The following CCDC30 variants were observed in gnomAD, a reference collection of about 807,000 sequenced individuals.
The protein encoded by CCDC30 is coiled-coil domain containing 30.
In CCDC30, 70 loss-of-function variants were observed where a neutral mutation model predicts 100.2. The observed-to-expected ratio is 0.70, with a 90% CI of 0.58 to 0.85. The LOEUF (loss-of-function observed/expected upper bound fraction) is 0.85, where lower values mean the gene tolerates loss of function less well. Ranked by LOEUF, CCDC30 falls within the 40% of genes least tolerant of loss-of-function variation. The pLI is 0.00. For missense variants in CCDC30, 652 were observed against 771.2 expected (o/e 0.85, Z 1.83); for synonymous variants, 233 against 269.5 (o/e 0.86, Z 1.33).
chr1:42,461,550 C>CTT (rs34955190), upstream of CCDC30, among the ~76,000 whole-genome samples: 1,051 of 140,574 alleles, frequency 7.5e-3, 10 homozygotes, highest in African/African-American at 0.024. Context: ...TACCCAGGCT[C>CTT]TTTTTTTTTT....
intron 13 of CCDC30, among the ~76,000 whole-genome samples, chr1:42,644,150 A>T (rs1202499052): frequency 6.6e-6 from 1 of 152,216 alleles, no homozygotes; most frequent in African/African-American, 2.4e-5. Context: ...ATACATATAT[A>T]TAAAGAGGAG....
At chr1:42,540,303 G>A (rs1445779035) in intron 6 of CCDC30, among the ~76,000 whole-genome samples, 3 of 152,168 alleles carry the variant, frequency 2.0e-5, no homozygotes, top group Non-Finnish European at 2.9e-5. Context: ...TGCTGCCTGG[G>A]AGAGTAGCTA....
intron 6 of CCDC30, chr1:42,537,027 C>G (rs1222407706): frequency 2.7e-6 from 1 of 363,702 alleles, no homozygotes; most frequent in Non-Finnish European, 5.4e-6. Context: ...ATTAGGGTTT[C>G]AACAATATGA....
chr1:42,613,200 G>A (rs1646657947), intron 11 of CCDC30, among the ~76,000 whole-genome samples: 1 of 152,106 alleles, frequency 6.6e-6, no homozygotes, highest in African/African-American at 2.4e-5. Flanking sequence ...TATTTTTATG[G>A]TTATTTCTTG....
intron 3 of CCDC30, among the ~76,000 whole-genome samples, chr1:42,484,426 T>C (rs776117076): frequency 2.0e-5 from 3 of 152,220 alleles, no homozygotes; most frequent in Non-Finnish European, 2.9e-5. Context: ...AAGCAGGATA[T>C]TCAGTACCCT....
At chr1:42,528,088 A>G (rs1644750169) in intron 6 of CCDC30, among the ~76,000 whole-genome samples, 1 of 151,722 alleles carries the variant, frequency 6.6e-6, no homozygotes, top group South Asian at 2.1e-4. Context: ...CTGGTCTCGA[A>G]CTCCTGACCT....
At chr1:42,515,455 C>A (rs1644540817) in intron 6 of CCDC30, among the ~76,000 whole-genome samples, 1 of 152,134 alleles carries the variant, frequency 6.6e-6, no homozygotes, top group African/African-American at 2.4e-5. Context: ...GCAGAGCCCT[C>A]ATGAATGGCA....
intron 15 of CCDC30, among the ~76,000 whole-genome samples, chr1:42,651,785 G>A (rs768448676): frequency 6.6e-6 from 1 of 152,128 alleles, no homozygotes; most frequent in Non-Finnish European, 1.5e-5. Flanking sequence ...GAGGTGTGAG[G>A]ATTCCTTAAG....
chr1:42,635,968 C>T (rs1192656983), intron 11 of CCDC30, among the ~76,000 whole-genome samples: 1 of 152,200 alleles, frequency 6.6e-6, no homozygotes, highest in Non-Finnish European at 1.5e-5. Context: ...TCATTTTACT[C>T]TAGCCATCCT....
intron 1 of CCDC30, among the ~76,000 whole-genome samples, chr1:42,468,124 T>A (rs1421313049): frequency 3.3e-5 from 5 of 152,172 alleles, no homozygotes; most frequent in Non-Finnish European, 2.9e-5. Flanking sequence ...ATAACCCTCA[T>A]ATAGTAGTTG....
intron 1 of CCDC30, among the ~76,000 whole-genome samples, chr1:42,466,849 GC>G (rs1394849719): frequency 2.0e-5 from 3 of 152,298 alleles, no homozygotes; most frequent in Non-Finnish European, 4.4e-5. Flanking sequence ...TCTGCGCCCG[GC>G]CAAGAATAGT....
At chr1:42,524,386 AATGTTC>A (rs1384827756) in intron 6 of CCDC30, among the ~76,000 whole-genome samples, 1 of 152,060 alleles carries the variant, frequency 6.6e-6, no homozygotes, top group Non-Finnish European at 1.5e-5. Context: ...GTTGCTTTCA[AATGTTC>A]TGCTCTTTAA....
At chr1:42,518,844 T>G (rs1350646863) in intron 6 of CCDC30, among the ~76,000 whole-genome samples, 1 of 152,238 alleles carries the variant, frequency 6.6e-6, no homozygotes, top group African/African-American at 2.4e-5. Context: ...AAATAACAAG[T>G]GCAGGCATCC....
intron 6 of CCDC30, among the ~76,000 whole-genome samples, chr1:42,529,163 G>A (rs897472476): frequency 2.6e-5 from 4 of 152,162 alleles, no homozygotes; most frequent in African/African-American, 4.8e-5. Context: ...AAAGATGTTA[G>A]CAAGTAGAAA....
In CCDC30 at chr1:42,623,004, A is replaced by T. The variant is rs543407568; in HGVS notation, c.1277+11914A>T. Among the ~76,000 whole-genome samples, 20 of 152,278 alleles carry T rather than the reference A, an allele frequency of 1.3e-4. No homozygotes were observed. In the East Asian group the frequency reaches 3.9e-3, roughly 29 times the overall value. On this transcript the variant is annotated intron_variant, in intron 11 of 16. Coordinates refer to ENST00000668663, the Ensembl canonical transcript of CCDC30. ...TCAATGATGTTGAGCACCTTTTCATATGCCTGTTTGCCATTTGTATGTTTT... is the reference window on the plus strand; with the variant it reads ...TCAATGATGTTGAGCACCTTTTCATTTGCCTGTTTGCCATTTGTATGTTTT...
At chr1:42,585,884 A>T (rs1355625671) in intron 9 of CCDC30, among the ~76,000 whole-genome samples, 1 of 152,054 alleles carries the variant, frequency 6.6e-6, no homozygotes, top group South Asian at 2.1e-4. Flanking sequence ...CAGTTTAAAC[A>T]GTTGTATGAC....
chr1:42,611,869 G>A (rs931390639), intron 11 of CCDC30, among the ~76,000 whole-genome samples: 1 of 151,950 alleles, frequency 6.6e-6, no homozygotes, highest in African/African-American at 2.4e-5. Flanking sequence ...ATAGAGACAG[G>A]GGTCTCACTA....
chr1:42,460,035 A>G, upstream of CCDC30: 1 of 1,444,804 alleles, frequency 6.9e-7, no homozygotes, highest in Non-Finnish European at 9.0e-7. Context: ...AAGAAAGGGA[A>G]AAGGCAGTGG....
chr1:42,467,676 G>C (rs1198528816), intron 1 of CCDC30: 1 of 152,182 alleles, frequency 6.6e-6, no homozygotes, highest in Non-Finnish European at 1.5e-5. Context: ...TCTGGAACTT[G>C]GATCTGTCTG....
Sources: allele counts gnomAD v4.1 joint callset (sites outside exome capture counted in the v4.1 genomes callset), GRCh38; gene constraint gnomAD v4.1.1; transcripts MANE v1.5; gene names NCBI Gene and HGNC (gene_info 2026-07-23, HGNC 2026-07-21).